Variants in RNF180 observed in about 807,000 individuals in gnomAD.
RNF180 encodes ring finger protein 180.
Under a neutral mutation model 59.2 loss-of-function variants are expected in RNF180, and 38 were observed. The ratio of observed to expected loss-of-function variants is 0.64; its 90% CI spans 0.50 to 0.84. The LOEUF (loss-of-function observed/expected upper bound fraction) is 0.84. RNF180 is among the 40% of genes least tolerant of loss of function. The probability of loss-of-function intolerance (pLI) is 0.00; values close to 1 mark genes in which losing one functional copy is unlikely to be tolerated. For missense variants in RNF180, 705 were observed against 700.9 expected, an observed-to-expected ratio of 1.01 and a Z score of -0.07; for synonymous variants, 262 against 240.3, an observed-to-expected ratio of 1.09 and a Z score of -0.84.
chr5:64,333,846 T>C (rs537524903), intron 7 of RNF180, among the ~76,000 whole-genome samples: 8 of 152,180 alleles, frequency 5.3e-5, no homozygotes, highest in Non-Finnish European at 1.2e-4. Flanking sequence ...ATAAGAAATA[T>C]ATATATTCTA....
chr5:64,367,334 C>T (rs546434483), intron 7 of RNF180, among the ~76,000 whole-genome samples: 3 of 151,370 alleles, frequency 2.0e-5, no homozygotes, highest in Non-Finnish European at 4.4e-5. Context: ...TAGAAAACCA[C>T]CAGACTACAA....
chr5:64,193,458 A>T (rs887395353), intron 1 of RNF180, among the ~76,000 whole-genome samples: 2 of 152,164 alleles, frequency 1.3e-5, no homozygotes, highest in East Asian at 3.9e-4. Flanking sequence ...ATCTTAATAA[A>T]GCTTTTTTTA....
intron 5 of RNF180, among the ~76,000 whole-genome samples, chr5:64,223,300 G>C (rs976585570): frequency 6.6e-6 from 1 of 152,068 alleles, no homozygotes; most frequent in Admixed American, 6.6e-5. Flanking sequence ...GGGTCTACCT[G>C]AATAATCCAA....
chr5:64,281,071 G>A (rs2112388793), intron 5 of RNF180, among the ~76,000 whole-genome samples: 1 of 152,280 alleles, frequency 6.6e-6, no homozygotes, highest in African/African-American at 2.4e-5. Context: ...TGGTTATTGT[G>A]AATGGGATTG....
chr5:64,272,637 A>G (rs1441911849), intron 5 of RNF180, among the ~76,000 whole-genome samples: 2 of 152,174 alleles, frequency 1.3e-5, no homozygotes, highest in African/African-American at 4.8e-5. Flanking sequence ...GATGCAAGAA[A>G]GGATGGTAAC....
chr5:64,242,989 A>G (rs989005144), intron 5 of RNF180, among the ~76,000 whole-genome samples: 1 of 152,228 alleles, frequency 6.6e-6, no homozygotes, highest in Non-Finnish European at 1.5e-5. Context: ...ACAAAGGGTC[A>G]GGGAAGTCCC....
chr5:64,326,990 T>C lies in RNF180; in HGVS notation c.1453+1579T>C, dbSNP rs541388786. Reference sequence around the variant, plus strand: ...ACTAATTCAATCTCATTACCTGTGATTGGTATTTGGTTTTCTACTTCCTCT... The same window carrying C: ...ACTAATTCAATCTCATTACCTGTGACTGGTATTTGGTTTTCTACTTCCTCT... On this transcript the variant is annotated intron_variant, in intron 6 of 7. Transcript: ENST00000389100. Among the ~76,000 whole-genome samples, 5 of 152,286 alleles carry C rather than the reference T, an allele frequency of 3.3e-5. No individual in the cohort carries two copies. The East Asian group carries it at 9.7e-4, about 29-fold the overall frequency.
intron 1 of RNF180, among the ~76,000 whole-genome samples, chr5:64,176,907 T>C (rs1418692627): frequency 6.6e-6 from 1 of 152,142 alleles, no homozygotes; most frequent in African/African-American, 2.4e-5. Flanking sequence ...TGGACACATA[T>C]TTTGGGCAGC....
intron 7 of RNF180, among the ~76,000 whole-genome samples, chr5:64,350,069 C>G (rs1745733499): frequency 6.6e-6 from 1 of 152,170 alleles, no homozygotes; most frequent in Non-Finnish European, 1.5e-5. Flanking sequence ...ACATCCTCCC[C>G]AGAACCTGTT....
intron 5 of RNF180, among the ~76,000 whole-genome samples, chr5:64,311,772 T>C (rs1393947381): frequency 1.3e-5 from 2 of 152,008 alleles, no homozygotes; most frequent in Admixed American, 1.3e-4. Context: ...TGATTCTCCA[T>C]TAGAAAATTC....
rs373916478 is a variant in RNF180 at position 64,281,786 on chromosome 5, G to A, written c.1228-43400G>A. On this transcript the variant is annotated intron_variant, in intron 5 of 7. Coordinates refer to ENST00000389100, the MANE Select transcript of RNF180 (RefSeq NM_001113561.2). ...GCTGGGATTACAGGTCTAAGCCACC[G>A]TGCCTCGCTGAGGATTTTTAACATG... Among the ~76,000 whole-genome samples the A allele has an allele frequency of 3.5e-4, 54 of 152,176 alleles. No individual in the cohort carries two copies. In the East Asian group the frequency reaches 8.3e-3, roughly 23 times the overall value.
chr5:64,249,772 A>G (rs1743441371), intron 5 of RNF180, among the ~76,000 whole-genome samples: 1 of 152,194 alleles, frequency 6.6e-6, no homozygotes, highest in Non-Finnish European at 1.5e-5. Context: ...AGCAATCCTT[A>G]TAATAGTTGT....
intron 5 of RNF180, among the ~76,000 whole-genome samples, chr5:64,248,044 T>A (rs529859182): frequency 7.2e-5 from 11 of 152,106 alleles, no homozygotes; most frequent in Non-Finnish European, 1.6e-4. Flanking sequence ...TTTGGGAAAC[T>A]AGCTAGCCAT....
intron 5 of RNF180, among the ~76,000 whole-genome samples, chr5:64,240,505 G>C (rs1474873769): frequency 2.0e-5 from 3 of 152,194 alleles, no homozygotes; most frequent in Admixed American, 1.3e-4. Context: ...ATGCTAACAT[G>C]TGTACCTGAT....
chr5:64,169,011 A>G (rs1749797527), intron 1 of RNF180, among the ~76,000 whole-genome samples: 1 of 152,190 alleles, frequency 6.6e-6, no homozygotes, highest in Non-Finnish European at 1.5e-5. Flanking sequence ...CAGATTACTT[A>G]AGGTTACTTT....
intron 1 of RNF180, among the ~76,000 whole-genome samples, chr5:64,174,929 C>A (rs2934807): frequency 0.99 from 148,924 of 150,204 alleles, 73,828 homozygotes; most frequent in Middle Eastern, 1. Context: ...TGATAGGTTC[C>A]GGTTTTACAT....
intron 7 of RNF180, among the ~76,000 whole-genome samples, chr5:64,330,649 C>T (rs1744862720): frequency 6.6e-6 from 1 of 152,228 alleles, no homozygotes; most frequent in South Asian, 2.1e-4. Flanking sequence ...GCCATGCTAT[C>T]ACTGTTTAGT....
chr5:64,358,688 T>A lies in RNF180; in HGVS notation c.1580-10927T>A, dbSNP rs559838971. Among the ~76,000 whole-genome samples, 1,261 of 151,802 alleles carry A rather than the reference T, an allele frequency of 8.3e-3. 18 individuals carry two copies. Among genetic ancestry groups the A allele is most frequent in the African/African-American group, 0.029 (1,199 of 41,418 alleles). ...TAAGTTTTAGGGTACATGTGCACAT[T>A]GTGCAGGTTAGTTACATATGTATAC... On this transcript the variant is annotated intron_variant, in intron 7 of 7. Transcript: ENST00000389100.
intron 5 of RNF180, among the ~76,000 whole-genome samples, chr5:64,283,984 G>A (rs981684100): frequency 6.6e-6 from 1 of 152,064 alleles, no homozygotes; most frequent in Admixed American, 6.6e-5. Flanking sequence ...ATTTTGTGGT[G>A]GCCGGTAGTT....
Sources: gnomAD v4.1 joint callset for allele counts (sites outside exome capture counted in the v4.1 genomes callset) on GRCh38, gnomAD v4.1.1 for gene constraint, MANE v1.5 for transcripts, NCBI Gene and HGNC (gene_info 2026-07-23, HGNC 2026-07-21) for gene names.